Variants in TSC22D1 observed in about 807,000 individuals in gnomAD.
TSC22D1 encodes TSC22 domain family member 1.
A neutral mutation model predicts 74.2 loss-of-function variants in TSC22D1; 9 were observed. That is an observed-to-expected ratio of 0.12 (90% confidence interval 0.07 to 0.21). The LOEUF is 0.21. TSC22D1 is among the 10% of genes least tolerant of loss of function. The probability of loss-of-function intolerance (pLI) is 1.00; values close to 1 mark genes in which losing one functional copy is unlikely to be tolerated. For synonymous variants in TSC22D1, 586 were observed against 492.5 expected (o/e 1.19, Z -2.51); for missense variants, 1,427 against 1,304.7 (o/e 1.09, Z -1.44).
At chr13:44,436,476 T>TA (rs1300355011) in intron 1 of TSC22D1, 9 of 1,609,122 alleles carry the variant, frequency 5.6e-6, no homozygotes, top group South Asian at 2.2e-5. Flanking sequence ...CGAATAAATT[T>TA]AAAGAAACTA....
chr13:44,433,782 C>G lies in TSC22D1; in HGVS notation c.*844G>C, dbSNP rs1016266101. 3.8e-6 allele frequency: 2 copies of G among 526,772 alleles called. No homozygotes were observed. Among genetic ancestry groups the G allele is most frequent in the Admixed American group, 4.1e-5 (1 of 24,310 alleles). 32.6% of individuals were successfully genotyped at this position (526,772 alleles called of 1,614,324 possible). On this transcript the variant is annotated 3_prime_UTR_variant, in exon 3 of 3. Transcript: ENST00000458659. ...TTCAGCAGCTAGATTTCAGATTACA[C>G]AAAGTGAGTAACTGTGCCAAATTCT...
At chr13:44,436,575 CAGTT>C (rs764695178) in intron 1 of TSC22D1, 2 of 1,614,196 alleles carry the variant, frequency 1.2e-6, no homozygotes, top group Non-Finnish European at 1.7e-6. Flanking sequence ...AAAAATGTCT[CAGTT>C]GGTAAACTCC....
At chr13:44,437,959 C>T (rs1248568561) in intron 1 of TSC22D1, among the ~76,000 whole-genome samples, 1 of 152,166 alleles carries the variant, frequency 6.6e-6, no homozygotes, top group Non-Finnish European at 1.5e-5. Context: ...AAATAATTCC[C>T]TTCTCCAAAC....
chr13:44,463,312 C>T (rs1877101184), intron 1 of TSC22D1, among the ~76,000 whole-genome samples: 1 of 152,112 alleles, frequency 6.6e-6, no homozygotes, highest in Non-Finnish European at 1.5e-5. Flanking sequence ...TGGTAATGAC[C>T]TAACATCCAT....
intron 1 of TSC22D1, among the ~76,000 whole-genome samples, chr13:44,469,744 A>G (rs1877492543): frequency 6.6e-6 from 1 of 152,088 alleles, no homozygotes; most frequent in African/African-American, 2.4e-5. Flanking sequence ...AGTGAAATTT[A>G]TCTATCTATT....
Position 44,456,733 on chromosome 13 carries a change from G to A in TSC22D1, c.2913-20638C>T, listed in dbSNP as rs112652768. On this transcript the variant is annotated intron_variant, in intron 1 of 2. Coordinates refer to ENST00000458659, the MANE Select transcript of TSC22D1 (RefSeq NM_183422.4). ...GAGGAGGACAACATTCAGAACACTA[G>A]AAAGAGCTCTTGGAAACTGAAAAAT... is the stretch of plus-strand genomic sequence containing the variant. Among the ~76,000 whole-genome samples the A allele has an allele frequency of 1.5e-3, 223 of 152,284 alleles. 2 individuals carry two copies. The highest frequency in any genetic ancestry group is 5.1e-3 in the African/African-American group (212 of 41,556).
At chr13:44,437,034 G>A in intron 1 of TSC22D1, 2 of 982,302 alleles carry the variant, frequency 2.0e-6, no homozygotes, top group Non-Finnish European at 2.4e-6. Context: ...GGGTGGGCTG[G>A]CCTGGCGCGG....
chr13:44,548,426 T>C (rs1881975701), intron 1 of TSC22D1, among the ~76,000 whole-genome samples: 1 of 152,164 alleles, frequency 6.6e-6, no homozygotes, highest in South Asian at 2.1e-4. Context: ...AATAAATACT[T>C]AGTGTATGAT....
chr13:44,470,459 A>G (rs1194360307), intron 1 of TSC22D1, among the ~76,000 whole-genome samples: 3 of 152,192 alleles, frequency 2.0e-5, no homozygotes, highest in Non-Finnish European at 4.4e-5. Flanking sequence ...TTATTATCTC[A>G]TTCATACAAA....
In TSC22D1 at chr13:44,575,094, A is replaced by G. The variant is rs766277823; in HGVS notation, c.981T>C (p.Asn327=). 3.7e-5 allele frequency: 59 copies of G among 1,614,090 alleles called. No homozygotes were observed. Among genetic ancestry groups the G allele is most frequent in the Non-Finnish European group, 3.4e-6 (4 of 1,180,038 alleles). Residue 327 remains asparagine (N), a synonymous_variant, in exon 1 of 3, where the codon AAT becomes AAC. Transcript: ENST00000458659. ...NITAVGSFNP[N]VTSSMLGNVN... is the part of the protein sequence containing the mutation. ...CATTACCAAGCATGCTGCTTGTCACATTAGGATTAAAACTACCCACAGCAG... is the reference window on the plus strand; with the variant it reads ...CATTACCAAGCATGCTGCTTGTCACGTTAGGATTAAAACTACCCACAGCAG...
chr13:44,535,997 T>G (rs55737823), intron 1 of TSC22D1, among the ~76,000 whole-genome samples: 1 of 151,926 alleles, frequency 6.6e-6, no homozygotes, highest in African/African-American at 2.4e-5. Flanking sequence ...CAGCCTTTCA[T>G]TGAAATATAC....
intron 1 of TSC22D1, among the ~76,000 whole-genome samples, chr13:44,566,303 T>TA (rs1433556528): frequency 2.0e-5 from 3 of 152,202 alleles, no homozygotes; most frequent in Non-Finnish European, 4.4e-5. Flanking sequence ...TATGTAACCT[T>TA]AGACAACTTG....
At chr13:44,453,354 A>G (rs1205089344) in intron 1 of TSC22D1, among the ~76,000 whole-genome samples, 1 of 152,256 alleles carries the variant, frequency 6.6e-6, no homozygotes, top group Non-Finnish European at 1.5e-5. Context: ...TAAAATGCAC[A>G]AGTTATAAAT....
At chr13:44,570,481 C>T (rs1197033105) in intron 1 of TSC22D1, among the ~76,000 whole-genome samples, 1 of 152,026 alleles carries the variant, frequency 6.6e-6, no homozygotes, top group African/African-American at 2.4e-5. Context: ...TGTGAGCCAC[C>T]GCACACGGCC....
At chr13:44,509,950 C>CAAAAAAAAAAAAAAAAAAAAAAGA in intron 1 of TSC22D1, among the ~76,000 whole-genome samples, 44 of 51,392 alleles carry the variant, frequency 8.6e-4, no homozygotes, top group Admixed American at 1.1e-3. Context: ...AGAAAATAAG[C>CAAAAAAAAAAAAAAAAAAAAAAGA]AAAAAAAAAA....
chr13:44,573,206 C>T lies in TSC22D1; in HGVS notation c.2869G>A (p.Val957Met). The change falls in exon 1 of 3, where the codon GTG becomes ATG. Residue 957 changes from valine (V) to methionine (M), a missense_variant. Val to Met is a conservative substitution (Grantham distance 21, BLOSUM62 1). This residue lies in a region of TSC22D1 where 1,343 missense variants were observed against 1,191.5 expected (regional missense o/e 1.13). Coordinates refer to ENST00000458659, the MANE Select transcript of TSC22D1 (RefSeq NM_183422.4). ...ACCAGGGGTGTCGTCAGCGGTAGCA[C>T]CTTCAACGGGAAAAGAGAAGCAGAG... ...AASASLFPLK[V>M]LPLTTPLVDG... 6.2e-7 allele frequency: 1 copy of T among 1,614,214 alleles called. No homozygotes were observed. The highest frequency in any genetic ancestry group is 1.7e-5 in the Admixed American group (1 of 60,026).
At chr13:44,552,195 A>G (rs1882326884) in intron 1 of TSC22D1, among the ~76,000 whole-genome samples, 1 of 152,182 alleles carries the variant, frequency 6.6e-6, no homozygotes, top group Non-Finnish European at 1.5e-5. Context: ...TTATTCTCAA[A>G]ATGACTTCAA....
At chr13:44,521,288 A>T (rs993336525) in intron 1 of TSC22D1, among the ~76,000 whole-genome samples, 1 of 152,194 alleles carries the variant, frequency 6.6e-6, no homozygotes, top group Admixed American at 6.5e-5. Flanking sequence ...CATTGTGATG[A>T]TGTCAAACAC....
intron 1 of TSC22D1, among the ~76,000 whole-genome samples, chr13:44,556,609 T>TA (rs1351038613): frequency 6.6e-6 from 1 of 151,968 alleles, no homozygotes; most frequent in African/African-American, 2.4e-5. Context: ...CTCATGCCTG[T>TA]AATCCCAGCA....
Sources: gnomAD v4.1 joint callset for allele counts (sites outside exome capture counted in the v4.1 genomes callset) on GRCh38, gnomAD v4.1.1 for gene constraint, gnomAD v4.1.1 regional missense constraint, MANE v1.5 for transcripts, NCBI Gene and HGNC (gene_info 2026-07-23, HGNC 2026-07-21) for gene names.